Variants in EIF2AK2 observed in about 807,000 individuals in gnomAD.
The protein encoded by EIF2AK2 is eukaryotic translation initiation factor 2 alpha kinase 2.
Under a neutral mutation model 70.5 loss-of-function variants are expected in EIF2AK2, and 40 were observed. The ratio of observed to expected loss-of-function variants is 0.57; its 90% confidence interval spans 0.44 to 0.74. The LOEUF is 0.74. Ranked by LOEUF, EIF2AK2 falls within the 30% of genes least tolerant of loss-of-function variation. The pLI is 0.00. For missense variants in EIF2AK2, 555 were observed against 644.3 expected (o/e 0.86, Z 1.50); for synonymous variants, 198 against 220.9 (o/e 0.90, Z 0.92).
At chr2:37,148,657 T>C in intron 2 of EIF2AK2, 200 bp downstream of exon 2, 1 of 825,356 alleles carries the variant, frequency 1.2e-6, no homozygotes, top group South Asian at 1.3e-5. Context: ...TACTTCAACT[T>C]AGAACTGGAA....
At chr2:37,138,194 A>G in intron 8 of EIF2AK2, 76 bp downstream of exon 8, 3 of 1,121,326 alleles carry the variant, frequency 2.7e-6, no homozygotes, top group South Asian at 2.9e-5. Context: ...ATGGTGGAAT[A>G]CTGGAAGTTA....
In EIF2AK2 at chr2:37,148,886, C is replaced by T; in HGVS notation, c.-46G>A. 3 of 832,016 alleles carry T rather than the reference C, an allele frequency of 3.6e-6. No individual in the cohort carries two copies. The highest frequency in any genetic ancestry group is 6.4e-6 in the Non-Finnish European group (3 of 467,792). 51.5% of individuals were successfully genotyped at this position (832,016 alleles called of 1,614,324 possible). ...TTGGAAGCTTTGTCCAAAATGCACG[C>T]AGATAATCACGGAAGTGTGGATGTT... On this transcript the variant is annotated 5_prime_UTR_variant, in exon 2 of 17. Coordinates refer to ENST00000233057, the MANE Select transcript of EIF2AK2 (RefSeq NM_001135651.3).
chr2:37,114,030 T>C (rs1453598132), intron 14 of EIF2AK2, among the ~76,000 whole-genome samples: 2 of 152,292 alleles, frequency 1.3e-5, no homozygotes, highest in East Asian at 3.9e-4. Context: ...TATGAAGTTG[T>C]AAACAACCTA....
chr2:37,141,444 T>A (rs1043143715), intron 5 of EIF2AK2, 109 bp downstream of exon 5: 1 of 1,335,570 alleles, frequency 7.5e-7, no homozygotes, highest in South Asian at 1.3e-5. Context: ...AAACCTTGCA[T>A]ACAGAATGCT....
At chr2:37,145,804 G>C (rs1006431794) in intron 4 of EIF2AK2, among the ~76,000 whole-genome samples, 2 of 117,596 alleles carry the variant, frequency 1.7e-5, no homozygotes, top group African/African-American at 6.5e-5. Context: ...CCAGGCTGGA[G>C]TGCAGTGGCA....
intron 10 of EIF2AK2, among the ~76,000 whole-genome samples, chr2:37,133,479 C>A (rs915221841): frequency 2.6e-5 from 4 of 152,110 alleles, no homozygotes; most frequent in African/African-American, 9.7e-5. Flanking sequence ...ACCCCCAATT[C>A]CCCCCTCACA....
intron 1 of EIF2AK2, among the ~76,000 whole-genome samples, chr2:37,149,808 C>T (rs1675680756): frequency 6.6e-6 from 1 of 152,174 alleles, no homozygotes; most frequent in Admixed American, 6.5e-5. Flanking sequence ...GTTTCAAATT[C>T]TTCCAGTGGT....
At chr2:37,146,738 G>C (rs1393502352) in intron 4 of EIF2AK2, 115 bp downstream of exon 4, 7 of 1,323,572 alleles carry the variant, frequency 5.3e-6, no homozygotes, top group African/African-American at 1.5e-5. Flanking sequence ...CCAAACTCTT[G>C]AATGTAAGGG....
intron 8 of EIF2AK2, 142 bp downstream of exon 8, chr2:37,138,127 AG>A: frequency 7.6e-6 from 4 of 526,370 alleles, no homozygotes; most frequent in Non-Finnish European, 1.3e-5. Context: ...AAAAAAAAAA[AG>A]TCTACTGAGG....
intron 1 of EIF2AK2, among the ~76,000 whole-genome samples, chr2:37,151,316 T>G (rs1261903753): frequency 6.6e-6 from 1 of 151,882 alleles, no homozygotes; most frequent in Non-Finnish European, 1.5e-5. Flanking sequence ...AAAGAAAATA[T>G]GTAAATCGCC....
At chr2:37,128,277 A>G (rs1247940078) in intron 10 of EIF2AK2, among the ~76,000 whole-genome samples, 1 of 152,178 alleles carries the variant, frequency 6.6e-6, no homozygotes, top group East Asian at 1.9e-4. Flanking sequence ...ATCCAAACAT[A>G]TTGTCTACAG....
At chr2:37,152,503 A>G (rs1292756374) in intron 1 of EIF2AK2, among the ~76,000 whole-genome samples, 1 of 151,442 alleles carries the variant, frequency 6.6e-6, no homozygotes, top group East Asian at 1.9e-4. Flanking sequence ...CTGGTCTCCA[A>G]CTCCTGAACT....
intron 1 of EIF2AK2, among the ~76,000 whole-genome samples, chr2:37,154,555 C>T (rs1675856086): frequency 6.6e-6 from 1 of 151,848 alleles, no homozygotes; most frequent in African/African-American, 2.4e-5. Flanking sequence ...TTAAGACACC[C>T]ACTCTCCTAG....
At chr2:37,141,016 T>C (rs1479749627) in intron 5 of EIF2AK2, among the ~76,000 whole-genome samples, 1 of 152,240 alleles carries the variant, frequency 6.6e-6, no homozygotes, top group Non-Finnish European at 1.5e-5. Flanking sequence ...CTCAGTAACT[T>C]TGAAACTCTA....
At position 37,099,611 on chromosome 2, in the gene EIF2AK2, A is replaced by T. The variant is rs1294900126; in HGVS notation, c.*7662T>A. ...AGATGGATATAATTTTGATATGCAA[A>T]GTTATGAGGAAAGAGTTACTGTATA... On this transcript the variant is annotated 3_prime_UTR_variant, in exon 17 of 17. Transcript: ENST00000233057. 1 of 152,200 alleles carries T rather than the reference A, an allele frequency of 6.6e-6. No individual in the cohort carries two copies. Among genetic ancestry groups the T allele is most frequent in the Non-Finnish European group, 1.5e-5 (1 of 68,032 alleles). 9.4% of individuals were successfully genotyped at this position (152,200 alleles called of 1,614,324 possible). A position where few individuals can be genotyped will look rare whatever the true frequency, so the allele number is the denominator to read the frequency against.
intron 10 of EIF2AK2, among the ~76,000 whole-genome samples, chr2:37,134,682 T>C (rs1291254199): frequency 3.3e-5 from 5 of 152,166 alleles, no homozygotes; most frequent in South Asian, 2.1e-4. Context: ...TAATGAACCA[T>C]AGGAAAGAAA....
At chr2:37,126,455 C>A (rs1308127805) in intron 10 of EIF2AK2, 44 bp from the exon 11 acceptor site, 2 of 1,582,070 alleles carry the variant, frequency 1.3e-6, no homozygotes, top group Non-Finnish European at 8.6e-7. Context: ...TCATGCTCAA[C>A]CCCCACCCCC....
chr2:37,105,283 C>G lies in EIF2AK2; in HGVS notation c.*1990G>C, dbSNP rs1487435741. On this transcript the variant is annotated 3_prime_UTR_variant, in exon 17 of 17. Coordinates refer to ENST00000233057, the MANE Select transcript of EIF2AK2 (RefSeq NM_001135651.3). ...TTGATCCCAGTGTTGGAGGTGGGGC[C>G]TGATGGGAGGTGTTTGGGTCATGGG... 6.6e-6 allele frequency: 1 copy of G among 152,046 alleles called. No individual in the cohort carries two copies. Among genetic ancestry groups the G allele is most frequent in the Non-Finnish European group, 1.5e-5 (1 of 68,030 alleles). 9.4% of individuals were successfully genotyped at this position (152,046 alleles called of 1,614,324 possible). A position where few individuals can be genotyped will look rare whatever the true frequency, so the allele number is the denominator to read the frequency against.
At chr2:37,136,225 T>C (rs557348835) in intron 9 of EIF2AK2, among the ~76,000 whole-genome samples, 1 of 152,316 alleles carries the variant, frequency 6.6e-6, no homozygotes, top group South Asian at 2.1e-4. Context: ...CTCCTTAACT[T>C]CCTTAACACC....
Sources: allele counts gnomAD v4.1 joint callset (sites outside exome capture counted in the v4.1 genomes callset), GRCh38; gene constraint gnomAD v4.1.1; transcripts MANE v1.5; gene names NCBI Gene and HGNC (gene_info 2026-07-23, HGNC 2026-07-21).